STX8: variants seen among roughly 807,000 people sequenced by gnomAD.
STX8 encodes the protein syntaxin-8.
A neutral mutation model predicts 37.5 loss-of-function variants in STX8; 23 were observed. The ratio of observed to expected loss-of-function variants is 0.61; its 90% confidence interval spans 0.44 to 0.87. The LOEUF is 0.87. Among genes scored for constraint, STX8 ranks in the 40% least tolerant of loss-of-function variants. The pLI, the probability that STX8 is intolerant of heterozygous loss-of-function variation, is 0.00. For synonymous variants in STX8, 115 were observed against 99.1 expected (o/e 1.16, Z -0.95); for missense variants, 313 against 284.7 (o/e 1.10, Z -0.71).
At chr17:9,471,151 C>CTT (rs34907512) in intron 6 of STX8, among the ~76,000 whole-genome samples, 8,082 of 51,188 alleles carry the variant, frequency 0.16, 2,008 homozygotes, top group East Asian at 0.77. Flanking sequence ...CCGCACCCTG[C>CTT]TTTTTTTTTT....
chr17:9,478,159 G>A (rs760596942), intron 6 of STX8, among the ~76,000 whole-genome samples: 13 of 152,032 alleles, frequency 8.6e-5, no homozygotes, highest in South Asian at 2.1e-4. Context: ...TTGTTGAGAC[G>A]GAGTCTAGCT....
intron 7 of STX8, among the ~76,000 whole-genome samples, chr17:9,260,519 G>T (rs1291669877): frequency 1.3e-5 from 2 of 152,264 alleles, no homozygotes; most frequent in African/African-American, 4.8e-5. Context: ...ACCTACTCAG[G>T]AGGCTGAGGC....
At chr17:9,575,349 T>C (rs1467127772) in intron 1 of STX8, among the ~76,000 whole-genome samples, 3 of 152,174 alleles carry the variant, frequency 2.0e-5, no homozygotes, top group Non-Finnish European at 2.9e-5. Flanking sequence ...AACTGGCTGG[T>C]GGCCATGGAT....
chr17:9,279,032 G>A (rs1907783045), intron 7 of STX8, among the ~76,000 whole-genome samples: 2 of 151,110 alleles, frequency 1.3e-5, no homozygotes, highest in Admixed American at 1.3e-4. Flanking sequence ...TACTATTATT[G>A]TCATTATTAT....
intron 6 of STX8, among the ~76,000 whole-genome samples, chr17:9,431,489 G>A (rs930097980): frequency 2.0e-5 from 3 of 150,556 alleles, no homozygotes; most frequent in African/African-American, 7.3e-5. Flanking sequence ...TAGAGATGGG[G>A]TTTCACCATG....
At chr17:9,530,104 G>A (rs1031645257) in intron 4 of STX8, among the ~76,000 whole-genome samples, 7 of 151,972 alleles carry the variant, frequency 4.6e-5, no homozygotes, top group Admixed American at 3.9e-4. Context: ...TCAGGAGATC[G>A]AGACCATCCT....
At chr17:9,439,878 A>G (rs1904577518) in intron 6 of STX8, among the ~76,000 whole-genome samples, 1 of 152,060 alleles carries the variant, frequency 6.6e-6, no homozygotes, top group Non-Finnish European at 1.5e-5. Context: ...GAGCTGGAAC[A>G]CATTCCCACA....
intron 7 of STX8, among the ~76,000 whole-genome samples, chr17:9,265,314 C>T (rs1325052573): frequency 6.6e-6 from 1 of 152,214 alleles, no homozygotes; most frequent in Non-Finnish European, 1.5e-5. Flanking sequence ...GGCAGGAGAG[C>T]TCACCCTCTT....
At chr17:9,347,982 G>T (rs1030270589) in intron 7 of STX8, among the ~76,000 whole-genome samples, 3 of 151,748 alleles carry the variant, frequency 2.0e-5, no homozygotes, top group African/African-American at 4.8e-5. Flanking sequence ...TTCCTTTTTT[G>T]TGGTTGAGTA....
intron 7 of STX8, among the ~76,000 whole-genome samples, chr17:9,325,159 C>G (rs1597605266): frequency 6.6e-6 from 1 of 152,216 alleles, no homozygotes; most frequent in East Asian, 1.9e-4. Context: ...CTAGGCCGAG[C>G]TATGATGTTC....
rs554045622 is a variant in STX8 at position 9,292,881 on chromosome 17, T to C, written c.644-42236A>G. The stretch of plus-strand genomic sequence containing the variant: ...GATGCCACTAGCTATTCAGCTCTCA[T>C]GCCCCCCATCTTCTCTCCAAACACA... On this transcript the variant is annotated intron_variant, in intron 7 of 7. Coordinates refer to ENST00000306357, the MANE Select transcript of STX8 (RefSeq NM_004853.3). 3.9e-5 allele frequency among the ~76,000 whole-genome samples: 6 copies of C among 152,298 alleles called. No individual in the cohort carries two copies. In the South Asian group the frequency reaches 1.0e-3, roughly 26 times the overall value.
At chr17:9,283,773 ATTTCT>A in intron 7 of STX8, among the ~76,000 whole-genome samples, 1 of 152,262 alleles carries the variant, frequency 6.6e-6, no homozygotes, top group African/African-American at 2.4e-5. Context: ...ATTAAATTCT[ATTTCT>A]TTTCATTTCT....
chr17:9,266,155 G>T (rs1477845665), intron 7 of STX8, among the ~76,000 whole-genome samples: 1 of 152,216 alleles, frequency 6.6e-6, no homozygotes, highest in Admixed American at 6.5e-5. Flanking sequence ...AAGTTGGTTG[G>T]AATGAAGGGT....
intron 6 of STX8, among the ~76,000 whole-genome samples, chr17:9,446,622 T>G (rs565169532): frequency 3.8e-4 from 58 of 152,302 alleles, no homozygotes; most frequent in Non-Finnish European, 6.6e-4. Flanking sequence ...TAGTAGTTAA[T>G]GATGAGGAGA....
intron 6 of STX8, among the ~76,000 whole-genome samples, chr17:9,381,088 C>T (rs137912815): frequency 2.3e-3 from 352 of 152,258 alleles, no homozygotes; most frequent in Middle Eastern, 0.01. Flanking sequence ...GGGCAATAGG[C>T]CATACCATAC....
intron 3 of STX8, chr17:9,553,053 G>A (rs1906832596): frequency 6.6e-6 from 1 of 152,134 alleles, no homozygotes; most frequent in South Asian, 2.1e-4. Context: ...AATAAGTAAA[G>A]GTGCTGCCTC....
intron 6 of STX8, among the ~76,000 whole-genome samples, chr17:9,429,974 T>A (rs541416509): frequency 0.017 from 4 of 234 alleles, no homozygotes; most frequent in South Asian, 0.17. Flanking sequence ...TATTATATAT[T>A]ATATAGAATA....
At chr17:9,313,356 AAG>A (rs1200764843) in intron 7 of STX8, among the ~76,000 whole-genome samples, 1 of 152,156 alleles carries the variant, frequency 6.6e-6, no homozygotes, top group Non-Finnish European at 1.5e-5. Flanking sequence ...CTTTTTAAAA[AAG>A]GGAATTAGGA....
In STX8 at chr17:9,510,174, G is replaced by C. The variant is rs147348520; in HGVS notation, c.324-5012C>G. 4.7e-3 allele frequency among the ~76,000 whole-genome samples: 722 copies of C among 152,196 alleles called. 1 individual carries two copies. Among genetic ancestry groups the C allele is most frequent in the Non-Finnish European group, 8.1e-3 (548 of 67,984 alleles). ...CTAAAGGGAGAGATAGACTCAAATAGAGTAATAGCTGGAGATTCTAACATC... is the reference window on the plus strand; with the variant it reads ...CTAAAGGGAGAGATAGACTCAAATACAGTAATAGCTGGAGATTCTAACATC... On this transcript the variant is annotated intron_variant, in intron 4 of 7. Transcript: ENST00000306357.
Sources: gnomAD v4.1 joint callset for allele counts (sites outside exome capture counted in the v4.1 genomes callset) on GRCh38, gnomAD v4.1.1 for gene constraint, MANE v1.5 for transcripts, NCBI Gene and HGNC (gene_info 2026-07-23, HGNC 2026-07-21) for gene names.